TDRD7: variants seen among roughly 807,000 people sequenced by gnomAD.
The protein encoded by TDRD7 is tudor domain containing 7.
TDRD7 carries 47 observed loss-of-function variants against 109.8 expected under a neutral mutation model. That is an observed-to-expected ratio of 0.43 (90% confidence interval 0.34 to 0.55). TDRD7 has a LOEUF of 0.55. TDRD7 is among the 20% of genes least tolerant of loss of function. The pLI is 0.03. For missense variants in TDRD7, 1,164 were observed against 1,319.2 expected (o/e 0.88, Z 1.82); for synonymous variants, 424 against 457.3 (o/e 0.93, Z 0.93).
chr9:97,476,981 C>G (rs1829032959), intron 12 of TDRD7, among the ~76,000 whole-genome samples: 1 of 151,808 alleles, frequency 6.6e-6, no homozygotes, highest in South Asian at 2.1e-4. Context: ...AATCTCGGGT[C>G]ATATGACCAA....
Position 97,496,018 on chromosome 9 carries a change from G to C in TDRD7, c.*135G>C. 1 of 721,544 alleles carries C rather than the reference G, an allele frequency of 1.4e-6. No homozygotes were observed. The highest frequency in any genetic ancestry group is 2.4e-6 in the Non-Finnish European group (1 of 418,986). The allele number at this position is 721,544 out of a possible 1,614,324, so 44.7% of individuals were successfully genotyped here. On this transcript the variant is annotated 3_prime_UTR_variant, in exon 17 of 17. Transcript: ENST00000355295. Reference sequence around the variant, plus strand: ...GATTGAAAAGAATATGCTTATGTTTGATGAAAGATATTTAACAAGTTTTGT... The same window carrying C: ...GATTGAAAAGAATATGCTTATGTTTCATGAAAGATATTTAACAAGTTTTGT...
intron 6 of TDRD7, among the ~76,000 whole-genome samples, chr9:97,442,669 A>G (rs934446679): frequency 1.3e-5 from 2 of 152,250 alleles, no homozygotes; most frequent in African/African-American, 4.8e-5. Flanking sequence ...TTAAATATGC[A>G]TGAGGATTAT....
At chr9:97,495,522 A>C in intron 16 of TDRD7, 141 bp from the exon 17 acceptor site, 1 of 788,488 alleles carries the variant, frequency 1.3e-6, no homozygotes, top group Non-Finnish European at 2.2e-6. Context: ...ATTGTTCAGT[A>C]ACCGTTTTTC....
At chr9:97,495,578 G>C (rs916042755) in intron 16 of TDRD7, 85 bp from the exon 17 acceptor site, 2 of 1,330,208 alleles carry the variant, frequency 1.5e-6, no homozygotes, top group African/African-American at 2.9e-5. Flanking sequence ...CTTTGGAATT[G>C]ACTAAATAAT....
At chr9:97,466,070 C>T (rs775151161) in intron 8 of TDRD7, among the ~76,000 whole-genome samples, 1 of 152,184 alleles carries the variant, frequency 6.6e-6, no homozygotes, top group Non-Finnish European at 1.5e-5. Context: ...TTTCTGCAGC[C>T]TCTGTTCCAT....
At chr9:97,434,896 G>C (rs1828167185) in intron 4 of TDRD7, among the ~76,000 whole-genome samples, 1 of 152,142 alleles carries the variant, frequency 6.6e-6, no homozygotes, top group Non-Finnish European at 1.5e-5. Context: ...ATCATGCTGA[G>C]TGAAAGAAGC....
In TDRD7 at chr9:97,412,510, A is replaced by G. The variant is rs745309728; in HGVS notation, c.-7+272A>G. On this transcript the variant is annotated intron_variant, in intron 1 of 16. Coordinates refer to ENST00000355295, the MANE Select transcript of TDRD7 (RefSeq NM_014290.3). The surrounding 1 kb of genome is among the most constrained non-coding windows in gnomAD (Gnocchi z 4.3). ...GCTCCGGGCCGGGCGTTCACGCGGG[A>G]GTCGGACGGAGCCTCCTGCCGCCTC... is the stretch of plus-strand genomic sequence containing the variant. 6.6e-5 allele frequency among the ~76,000 whole-genome samples: 10 copies of G among 152,124 alleles called. No individual in the cohort carries two copies. Among genetic ancestry groups the G allele is most frequent in the Non-Finnish European group, 1.3e-4 (9 of 68,014 alleles).
intron 1 of TDRD7, among the ~76,000 whole-genome samples, chr9:97,413,535 T>G (rs1031346367): frequency 1.3e-5 from 2 of 152,242 alleles, no homozygotes; most frequent in African/African-American, 4.8e-5. Context: ...TGGATTTTAG[T>G]TTTTTGAGGG....
chr9:97,439,172 G>A (rs1828252300), intron 4 of TDRD7, 73 bp from the exon 5 acceptor site: 3 of 1,146,444 alleles, frequency 2.6e-6, no homozygotes, highest in Non-Finnish European at 3.6e-6. Flanking sequence ...TAAATGAAAA[G>A]TGTAGTGTTT....
intron 13 of TDRD7, chr9:97,480,435 T>G (rs1462332801): frequency 9.5e-6 from 2 of 210,372 alleles, no homozygotes; most frequent in Admixed American, 1.0e-4. Context: ...TGATTTTTTT[T>G]TTTTTTTAAG....
At chr9:97,417,584 A>C (rs1827831278) in intron 1 of TDRD7, among the ~76,000 whole-genome samples, 2 of 152,166 alleles carry the variant, frequency 1.3e-5, no homozygotes, top group Admixed American at 1.3e-4. Flanking sequence ...ATTGAGAACT[A>C]ATACTGACCT....
At chr9:97,487,902 A>G (rs1223531335) in intron 16 of TDRD7, among the ~76,000 whole-genome samples, 1 of 152,196 alleles carries the variant, frequency 6.6e-6, no homozygotes, top group East Asian at 1.9e-4. Flanking sequence ...ATGCAATCTT[A>G]AAACATTCCT....
At chr9:97,473,756 T>G in intron 11 of TDRD7, 130 bp downstream of exon 11, 44 of 1,183,726 alleles carry the variant, frequency 3.7e-5, no homozygotes, top group Non-Finnish European at 4.6e-5. Flanking sequence ...ATGGAATCTC[T>G]AGAATAGTAG....
intron 16 of TDRD7, among the ~76,000 whole-genome samples, chr9:97,493,841 G>T (rs1273425795): frequency 1.3e-5 from 2 of 152,202 alleles, no homozygotes; most frequent in African/African-American, 4.8e-5. Context: ...GCTTTTGAAA[G>T]AAGAGAAATA....
chr9:97,435,731 T>G (rs1828184793), intron 4 of TDRD7, among the ~76,000 whole-genome samples: 1 of 152,162 alleles, frequency 6.6e-6, no homozygotes, highest in Non-Finnish European at 1.5e-5. Flanking sequence ...TTGAAAGATA[T>G]CTTTTAAGAG....
Position 97,487,285 on chromosome 9 carries a change from A to G in TDRD7, c.3029A>G (p.Asp1010Gly). 6.2e-7 allele frequency: 1 copy of G among 1,614,028 alleles called. No individual in the cohort carries two copies. Among genetic ancestry groups the G allele is most frequent in the Non-Finnish European group, 8.5e-7 (1 of 1,179,930 alleles). The change falls in exon 16 of 17, where the codon GAC (aspartate) becomes GGC (glycine). Residue 1010 changes from aspartate (D) to glycine (G), a missense_variant. Physicochemically the swap from Asp to Gly is moderately conservative, Grantham distance 94. Coordinates refer to ENST00000355295, the MANE Select transcript of TDRD7 (RefSeq NM_014290.3). Reference sequence around the variant, plus strand: ...ATAAGAAAAGTACAGCCCCTAGTGGACATGTTCCGAAAGCTGCCCTTCCAA... The same window carrying G: ...ATAAGAAAAGTACAGCCCCTAGTGGGCATGTTCCGAAAGCTGCCCTTCCAA... The part of the protein sequence containing the change: ...VNIRKVQPLV[D>G]MFRKLPFQAV...
At chr9:97,469,420 C>G (rs902131425) in intron 8 of TDRD7, among the ~76,000 whole-genome samples, 3 of 152,172 alleles carry the variant, frequency 2.0e-5, no homozygotes, top group Admixed American at 6.5e-5. Flanking sequence ...ATCACATGGC[C>G]AAGGAAAGGA....
intron 11 of TDRD7, among the ~76,000 whole-genome samples, chr9:97,475,089 A>G (rs758869179): frequency 1.3e-5 from 2 of 152,206 alleles, no homozygotes; most frequent in Non-Finnish European, 2.9e-5. Context: ...TGTGTAACTG[A>G]TGGAGCCAGT....
chr9:97,474,442 T>C (rs1828976691), intron 11 of TDRD7, among the ~76,000 whole-genome samples: 1 of 152,222 alleles, frequency 6.6e-6, no homozygotes, highest in South Asian at 2.1e-4. Context: ...TTTGCCTTTC[T>C]AGACCGTATG....
Sources: allele counts gnomAD v4.1 joint callset (sites outside exome capture counted in the v4.1 genomes callset), GRCh38; gene constraint gnomAD v4.1.1; non-coding constraint Gnocchi (gnomAD v3.1); transcripts MANE v1.5; gene names NCBI Gene and HGNC (gene_info 2026-07-23, HGNC 2026-07-21).